GABRP: variants seen among roughly 807,000 people sequenced by gnomAD.
GABRP encodes the protein gamma-aminobutyric acid type A receptor subunit pi.
In GABRP, 52 loss-of-function variants were observed where a neutral mutation model predicts 47.8. The observed-to-expected ratio is 1.09, with a 90% confidence interval of 0.87 to 1.37. The LOEUF is 1.37. Among genes scored for constraint, GABRP ranks in the 40% most tolerant of loss-of-function variants. GABRP has a pLI of 0.00. For synonymous variants in GABRP, 221 were observed against 205.8 expected, an observed-to-expected ratio of 1.07 and a Z score of -0.63; for missense variants, 525 against 542.8, an observed-to-expected ratio of 0.97 and a Z score of 0.33.
At chr5:170,810,120 T>C (rs892885097) in intron 9 of GABRP, 25 of 502,048 alleles carry the variant, frequency 5.0e-5, no homozygotes, top group African/African-American at 3.3e-4. Context: ...AATTCTTTTG[T>C]TGCATTATTT....
intron 9 of GABRP, among the ~76,000 whole-genome samples, chr5:170,811,711 A>G (rs1765886938): frequency 6.6e-6 from 1 of 152,162 alleles, no homozygotes; most frequent in East Asian, 1.9e-4. Flanking sequence ...TGCTCAGGAT[A>G]TCCACAGTAG....
At chr5:170,807,780 T>C (rs943870996) in intron 7 of GABRP, among the ~76,000 whole-genome samples, 3 of 152,188 alleles carry the variant, frequency 2.0e-5, no homozygotes, top group East Asian at 1.9e-4. Context: ...GTTTTTTTAA[T>C]GGTATAATTT....
intron 1 of GABRP, among the ~76,000 whole-genome samples, chr5:170,785,957 C>G (rs1239747225): frequency 1.3e-5 from 2 of 152,196 alleles, no homozygotes; most frequent in African/African-American, 4.8e-5. Context: ...AATCAAATGA[C>G]CTTTTCTGTG....
At chr5:170,784,656 A>G (rs552018519) in intron 1 of GABRP, among the ~76,000 whole-genome samples, 11 of 152,330 alleles carry the variant, frequency 7.2e-5, no homozygotes, top group East Asian at 3.9e-4. Context: ...TTTGGGTTCT[A>G]TTAGTCATAG....
At position 170,792,225 on chromosome 5, in the gene GABRP, C is replaced by A. The variant is rs561777163; in HGVS notation, c.173-2006C>A. Among the ~76,000 whole-genome samples, 3 of 152,140 alleles carry A rather than the reference C, an allele frequency of 2.0e-5. No homozygotes were observed. The East Asian group carries it at 5.8e-4, about 29-fold the overall frequency. On this transcript the variant is annotated intron_variant, in intron 3 of 9. Coordinates refer to ENST00000265294, the MANE Select transcript of GABRP (RefSeq NM_014211.3). ...TGGGAGGCTGAGGTGGGCAGATCAC[C>A]TGAGGTCAGGAGTTAGAGACCAGCC...
chr5:170,789,155 A>ACG lies in GABRP; in HGVS notation c.81_82dup (p.Val28AlafsTer37). 6.2e-7 allele frequency: 1 copy of ACG among 1,614,102 alleles called. No homozygotes were observed. On this transcript the variant is annotated frameshift_variant, in exon 3 of 10. Coordinates refer to ENST00000265294, the MANE Select transcript of GABRP (RefSeq NM_014211.3). LOFTEE classifies it high-confidence loss of function. ...ATGTGCATCCAGGGGAGTCAGTTCA[A>ACG]CGTCGAGGTCGGCAGAAGTGACAAG... is the stretch of plus-strand genomic sequence containing the variant.
intron 6 of GABRP, among the ~76,000 whole-genome samples, chr5:170,803,215 G>T (rs1368692718): frequency 6.6e-6 from 1 of 152,132 alleles, no homozygotes; most frequent in African/African-American, 2.4e-5. Context: ...CCCTGGGGAG[G>T]GCGAGATAAC....
Position 170,811,998 on chromosome 5 carries a change from A to G in GABRP, c.1063A>G (p.Ile355Val). 1 of 1,614,192 alleles carries G rather than the reference A, an allele frequency of 6.2e-7. No individual in the cohort carries two copies. The highest frequency in any genetic ancestry group is 8.5e-7 in the Non-Finnish European group (1 of 1,180,016). Reference sequence around the variant, plus strand: ...AGAAGAAGTCAGTATTACTAATATCATCAACAGCTCCATCTCCAGCTTTAA... The same window carrying G: ...AGAAGAAGTCAGTATTACTAATATCGTCAACAGCTCCATCTCCAGCTTTAA... ...EVEEVSITNIINSSISSFKRK... is the reference protein window; with the variant it reads ...EVEEVSITNIVNSSISSFKRK... Residue 355 changes from isoleucine (I) to valine (V), a missense_variant, in exon 10 of 10, where the codon ATC (isoleucine) becomes GTC (valine). By Grantham distance (29) the Ile-to-Val change is conservative. Coordinates refer to ENST00000265294, the MANE Select transcript of GABRP (RefSeq NM_014211.3).
chr5:170,799,709 A>T (rs1037992732), intron 6 of GABRP, among the ~76,000 whole-genome samples: 6 of 152,038 alleles, frequency 3.9e-5, no homozygotes, highest in African/African-American at 1.5e-4. Flanking sequence ...ACATTGCAAA[A>T]ATTTTCCCCC....
chr5:170,810,289 AAT>A (rs1350866761), intron 9 of GABRP, among the ~76,000 whole-genome samples: 1 of 152,182 alleles, frequency 6.6e-6, no homozygotes, highest in Non-Finnish European at 1.5e-5. Flanking sequence ...AAATAATAAT[AAT>A]AGTCATTATT....
rs1356231029 is a variant in GABRP, at chr5:170,813,976, T to G, written c.*1718T>G. 1 of 152,182 alleles carries G rather than the reference T, an allele frequency of 6.6e-6. No homozygotes were observed. The highest frequency in any genetic ancestry group is 2.4e-5 in the African/African-American group (1 of 41,444). 9.4% of individuals were successfully genotyped at this position (152,182 alleles called of 1,614,324 possible). Reference sequence around the variant, plus strand: ...CTGTTCTGAAACCCCACTTAAGCATTGTTTTTATATAAAAACAATGATAAA... The same window carrying G: ...CTGTTCTGAAACCCCACTTAAGCATGGTTTTTATATAAAAACAATGATAAA... On this transcript the variant is annotated 3_prime_UTR_variant, in exon 10 of 10. Coordinates refer to ENST00000265294, the MANE Select transcript of GABRP (RefSeq NM_014211.3).
intron 7 of GABRP, among the ~76,000 whole-genome samples, chr5:170,808,074 C>A (rs1339113302): frequency 6.6e-6 from 1 of 152,144 alleles, no homozygotes; most frequent in African/African-American, 2.4e-5. Flanking sequence ...CTAACACATG[C>A]CTTTCCCACA....
chr5:170,809,290 G>A (rs899364728), intron 8 of GABRP, among the ~76,000 whole-genome samples: 2 of 152,066 alleles, frequency 1.3e-5, no homozygotes, highest in African/African-American at 4.8e-5. Flanking sequence ...AGGGATCATT[G>A]TGCTTAGATG....
rs1063310 is a variant in GABRP at position 170,812,108 on chromosome 5, C to A, written c.1173C>A (p.Phe391Leu). Residue 391 changes from phenylalanine to leucine, a missense_variant, in exon 10 of 10, where the codon TTC becomes TTA. Transcript: ENST00000265294. ...SDLTMKTSDKFKFVFREKMGR... is the reference protein window; with the variant it reads ...SDLTMKTSDKLKFVFREKMGR... ...TGACAATGAAAACCAGCGACAAGTT[C>A]AAGTTTGTCTTCCGAGAAAAGATGG... 375,995 of 1,613,838 alleles carry A rather than the reference C, an allele frequency of 0.23. 45,146 individuals are homozygous for A. The highest frequency in any genetic ancestry group is 0.29 in the African/African-American group (21,790 of 74,946).
At position 170,812,656 on chromosome 5, in the gene GABRP, TA is replaced by T. The variant is rs891646493; in HGVS notation, c.*401del. 1 of 171,876 alleles carries T rather than the reference TA, an allele frequency of 5.8e-6. No homozygotes were observed. Among genetic ancestry groups the T allele is most frequent in the African/African-American group, 2.4e-5 (1 of 41,962 alleles). The allele number at this position is 171,876 out of a possible 1,614,324, so 10.6% of individuals were successfully genotyped here. A position where few individuals can be genotyped will look rare whatever the true frequency, so the allele number is the denominator to read the frequency against. ...TAAAGTAACTATACATGTTTTTTAC[TA>T]AATCTCTGCAGTGCTTATAAAATAC... On this transcript the variant is annotated 3_prime_UTR_variant, in exon 10 of 10. Transcript: ENST00000265294.
At chr5:170,793,631 C>T (rs969942735) in intron 3 of GABRP, among the ~76,000 whole-genome samples, 5 of 152,220 alleles carry the variant, frequency 3.3e-5, no homozygotes, top group African/African-American at 1.2e-4. Flanking sequence ...CATCTGTGCG[C>T]AATCAGATTA....
intron 9 of GABRP, 23 bp from the exon 10 acceptor site, chr5:170,811,933 T>G (rs1008984506): frequency 6.2e-7 from 1 of 1,604,276 alleles, no homozygotes. Context: ...TCTTTTAAGC[T>G]AACTGCATTG....
intron 6 of GABRP, among the ~76,000 whole-genome samples, chr5:170,801,016 A>G (rs1055978214): frequency 1.3e-5 from 2 of 152,236 alleles, no homozygotes; most frequent in African/African-American, 4.8e-5. Flanking sequence ...TTTAACAATT[A>G]CTTAATCCAT....
chr5:170,783,689 AG>A (rs1279666449), upstream of GABRP: 1 of 152,264 alleles, frequency 6.6e-6, no homozygotes, highest in Non-Finnish European at 1.5e-5. Context: ...GTTTCTGCAC[AG>A]CAGGTTTAGC....
Sources: allele counts gnomAD v4.1 joint callset (sites outside exome capture counted in the v4.1 genomes callset), GRCh38; gene constraint gnomAD v4.1.1; transcripts MANE v1.5; gene names NCBI Gene and HGNC (gene_info 2026-07-23, HGNC 2026-07-21).